The following LARP4B variants were observed in gnomAD, a reference collection of about 807,000 sequenced individuals.
The protein encoded by LARP4B is La ribonucleoprotein 4B.
Under a neutral mutation model 89.8 loss-of-function variants are expected in LARP4B, and 12 were observed. The ratio of observed to expected loss-of-function variants is 0.13; its 90% CI spans 0.09 to 0.22. The LOEUF is 0.22. Among genes scored for constraint, LARP4B ranks in the 10% least tolerant of loss-of-function variants. The pLI is 1.00. For missense variants in LARP4B, 757 were observed against 947.7 expected, an observed-to-expected ratio of 0.80 and a Z score of 2.64; for synonymous variants, 367 against 363.3, an observed-to-expected ratio of 1.01 and a Z score of -0.12.
chr10:927,180 C>A (rs1455112473), intron 1 of LARP4B, among the ~76,000 whole-genome samples: 1 of 152,078 alleles, frequency 6.6e-6, no homozygotes, highest in Non-Finnish European at 1.5e-5. Context: ...ACTGCAAATC[C>A]TTTATGGTTG....
the LARP4B span, chr10:987,387 A>G: frequency 6.6e-6 from 1 of 152,324 alleles, no homozygotes; most frequent in African/African-American, 2.4e-5. Context: ...AAAGGATTGG[A>G]GAGTGGGGGG....
At chr10:888,569 C>G (rs562265311) in intron 1 of LARP4B, among the ~76,000 whole-genome samples, 2 of 152,256 alleles carry the variant, frequency 1.3e-5, no homozygotes, top group South Asian at 4.1e-4. Context: ...CAGCATATTT[C>G]CAGTCACAAA....
At chr10:975,963 C>T in the LARP4B span, among the ~76,000 whole-genome samples, 1 of 149,488 alleles carries the variant, frequency 6.7e-6, no homozygotes, top group African/African-American at 2.5e-5. Context: ...ACGTGTGGAC[C>T]CGGCCTAGTA....
chr10:858,263 T>A (rs1159892594), intron 5 of LARP4B, among the ~76,000 whole-genome samples: 1 of 152,136 alleles, frequency 6.6e-6, no homozygotes, highest in African/African-American at 2.4e-5. Context: ...GGCCAATTGT[T>A]TTTTTTAACA....
the LARP4B span, among the ~76,000 whole-genome samples, chr10:954,828 C>G: frequency 1.2e-5 from 1 of 85,588 alleles, no homozygotes. This position sits in a 1 kb window ranked among gnomAD's most constrained non-coding sequence, Gnocchi z 5.0. Flanking sequence ...TCCACGCTTC[C>G]CCAGGACAGC....
At chr10:918,765 A>T (rs1038433030) in intron 1 of LARP4B, among the ~76,000 whole-genome samples, 2 of 152,106 alleles carry the variant, frequency 1.3e-5, no homozygotes, top group Non-Finnish European at 1.5e-5. Context: ...GTAGCATAGG[A>T]TATCTCTGGC....
chr10:953,880 G>A, the LARP4B span, among the ~76,000 whole-genome samples: 12 of 152,350 alleles, frequency 7.9e-5, no homozygotes, highest in African/African-American at 2.6e-4. Flanking sequence ...AACATCAGAG[G>A]ACTAACAGGA....
Position 922,259 on chromosome 10 carries a change from T to C in LARP4B, c.-40+9169A>G, listed in dbSNP as rs1477610356. Among the ~76,000 whole-genome samples, 4 of 152,198 alleles carry C rather than the reference T, an allele frequency of 2.6e-5. No homozygotes were observed. In the East Asian group the frequency reaches 7.7e-4, roughly 29 times the overall value. The stretch of plus-strand genomic sequence containing the variant: ...CTGCTCATCTGAGAGGAGGTGGAGC[T>C]CAGGCAGTAATGCTCACTCACCCTG... On this transcript the variant is annotated intron_variant, in intron 1 of 17. Coordinates refer to ENST00000316157, the MANE Select transcript of LARP4B (RefSeq NM_015155.3).
the LARP4B span, among the ~76,000 whole-genome samples, chr10:957,709 G>T: frequency 6.6e-6 from 1 of 151,832 alleles, no homozygotes; most frequent in East Asian, 1.9e-4. Flanking sequence ...TCTAAGCTTT[G>T]CGGGGTATGA....
chr10:903,913 A>G (rs186681535), intron 1 of LARP4B, among the ~76,000 whole-genome samples: 50 of 152,282 alleles, frequency 3.3e-4, no homozygotes, highest in African/African-American at 1.2e-3. Context: ...ATGGGAAGGC[A>G]TATTTGTCCC....
chr10:866,584 T>G (rs1409012468), intron 3 of LARP4B, among the ~76,000 whole-genome samples: 2 of 152,166 alleles, frequency 1.3e-5, no homozygotes, highest in African/African-American at 2.4e-5. Context: ...ATTTCTCTAT[T>G]CTCTTTCCCA....
intron 1 of LARP4B, among the ~76,000 whole-genome samples, chr10:921,535 A>T (rs1335119602): frequency 6.6e-6 from 1 of 152,158 alleles, no homozygotes; most frequent in Non-Finnish European, 1.5e-5. Context: ...TACCACAATG[A>T]CCAACACACT....
intron 5 of LARP4B, among the ~76,000 whole-genome samples, chr10:851,683 AC>A (rs1834058138): frequency 6.6e-6 from 1 of 152,198 alleles, no homozygotes; most frequent in Non-Finnish European, 1.5e-5. Flanking sequence ...AATCTTTGTA[AC>A]TATATAAACC....
intron 7 of LARP4B, among the ~76,000 whole-genome samples, chr10:840,306 GC>G (rs1462598603): frequency 6.6e-6 from 1 of 152,132 alleles, no homozygotes; most frequent in Admixed American, 6.5e-5. Flanking sequence ...CAACTCACCT[GC>G]CCCCATGACG....
chr10:844,967 C>G lies in LARP4B; in HGVS notation c.509+10G>C, dbSNP rs375952835. ...ATATCAGGTACTAGAAAAACCACCA[C>G]CAGCCTTACCTAGATAAGCAGAATT... On this transcript the variant is annotated intron_variant, in intron 6 of 17. Coordinates refer to ENST00000316157, the MANE Select transcript of LARP4B (RefSeq NM_015155.3). 9.4e-6 allele frequency: 15 copies of G among 1,603,108 alleles called. No homozygotes were observed. The highest frequency in any genetic ancestry group is 1.2e-5 in the Non-Finnish European group (14 of 1,175,356).
intron 5 of LARP4B, among the ~76,000 whole-genome samples, chr10:853,675 T>C (rs1834163976): frequency 6.6e-6 from 1 of 152,124 alleles, no homozygotes; most frequent in Admixed American, 6.5e-5. Flanking sequence ...CGGAGTGAGA[T>C]TATGTCTGGA....
chr10:960,683 G>A, the LARP4B span, among the ~76,000 whole-genome samples: 1 of 116,744 alleles, frequency 8.6e-6, no homozygotes, highest in South Asian at 2.9e-4. Flanking sequence ...ACTCCAGCCA[G>A]GGCAACAGAG....
intron 3 of LARP4B, among the ~76,000 whole-genome samples, chr10:872,037 T>G (rs1835229983): frequency 1.3e-5 from 2 of 152,232 alleles, no homozygotes; most frequent in Non-Finnish European, 2.9e-5. Context: ...ACTCCTGAGT[T>G]ACAGCTCTCA....
intron 1 of LARP4B, among the ~76,000 whole-genome samples, chr10:900,548 G>GCTTCAGCT (rs1383474285): frequency 2.2e-5 from 3 of 137,426 alleles, no homozygotes; most frequent in Non-Finnish European, 4.6e-5. Flanking sequence ...TGATCCTCCT[G>GCTTCAGCT]CTTCAGCTCC....
Sources: gnomAD v4.1 joint callset for allele counts (sites outside exome capture counted in the v4.1 genomes callset) on GRCh38, gnomAD v4.1.1 for gene constraint, Gnocchi (gnomAD v3.1) non-coding constraint, MANE v1.5 for transcripts, NCBI Gene and HGNC (gene_info 2026-07-23, HGNC 2026-07-21) for gene names.